Variants in GALNTL6 observed in about 807,000 individuals in gnomAD.
GALNTL6 encodes the protein polypeptide N-acetylgalactosaminyltransferase like 6, also known as polypeptide N-acetylgalactosaminyltransferase-like 6.
Under a neutral mutation model 73.7 loss-of-function variants are expected in GALNTL6, and 46 were observed. The observed-to-expected ratio is 0.62, with a 90% confidence interval of 0.49 to 0.80. GALNTL6 has a LOEUF of 0.80. Ranked by LOEUF, GALNTL6 falls within the 30% of genes least tolerant of loss-of-function variation. The pLI is 0.00. For missense variants in GALNTL6, 604 were observed against 755.0 expected (o/e 0.80, Z 2.34); for synonymous variants, 259 against 263.7 (o/e 0.98, Z 0.17).
At chr4:172,430,820 A>C (rs549399390) in intron 5 of GALNTL6, among the ~76,000 whole-genome samples, 7 of 152,156 alleles carry the variant, frequency 4.6e-5, no homozygotes, top group South Asian at 4.2e-4. Context: ...CCACCACCAC[A>C]ACAACAGTAG....
intron 3 of GALNTL6, among the ~76,000 whole-genome samples, chr4:172,244,830 A>G (rs566369959): frequency 5.3e-5 from 8 of 152,308 alleles, no homozygotes; most frequent in African/African-American, 1.9e-4. Context: ...CAAGAGAAAC[A>G]TTTTGGGAGC....
At chr4:172,949,842 G>T (rs1411093795) in intron 9 of GALNTL6, among the ~76,000 whole-genome samples, 1 of 151,268 alleles carries the variant, frequency 6.6e-6, no homozygotes, top group African/African-American at 2.4e-5. Context: ...CTGGGAGGCA[G>T]AGGTTGCAGT....
chr4:171,856,137 C>G (rs561074355), intron 2 of GALNTL6, among the ~76,000 whole-genome samples: 3 of 152,182 alleles, frequency 2.0e-5, no homozygotes, highest in African/African-American at 7.2e-5. Flanking sequence ...GAGTCTTGCT[C>G]TATCACCCAG....
intron 3 of GALNTL6, among the ~76,000 whole-genome samples, chr4:172,279,308 A>G (rs888189608): frequency 1.3e-5 from 2 of 152,178 alleles, no homozygotes; most frequent in Non-Finnish European, 2.9e-5. Flanking sequence ...ATATTTCTCA[A>G]TCAAATATCT....
intron 7 of GALNTL6, among the ~76,000 whole-genome samples, chr4:172,829,061 C>G (rs1742471406): frequency 6.6e-6 from 1 of 152,218 alleles, no homozygotes; most frequent in East Asian, 1.9e-4. Flanking sequence ...GGAAGCATCG[C>G]TCTGGTGTAC....
chr4:172,104,915 A>G (rs1163616926), intron 2 of GALNTL6, among the ~76,000 whole-genome samples: 2 of 152,176 alleles, frequency 1.3e-5, no homozygotes, highest in African/African-American at 4.8e-5. Context: ...ATACCTCCAC[A>G]ACTGATGAAT....
intron 7 of GALNTL6, among the ~76,000 whole-genome samples, chr4:172,865,817 C>G (rs1744633984): frequency 6.6e-6 from 1 of 152,076 alleles, no homozygotes; most frequent in Non-Finnish European, 1.5e-5. Flanking sequence ...CATGTTTATC[C>G]TGGGTCTTTT....
chr4:172,818,307 G>T (rs775021428), intron 7 of GALNTL6, among the ~76,000 whole-genome samples: 1 of 152,116 alleles, frequency 6.6e-6, no homozygotes, highest in Non-Finnish European at 1.5e-5. Flanking sequence ...AGAAATAATC[G>T]ATTCAGCAGT....
chr4:172,418,943 G>A (rs926382525), intron 5 of GALNTL6, among the ~76,000 whole-genome samples: 3 of 50,288 alleles, frequency 6.0e-5, no homozygotes, highest in Admixed American at 2.2e-4. Flanking sequence ...AGTTTTCTAC[G>A]AGATTTATCA....
At chr4:172,475,322 A>C (rs1733191736) in intron 5 of GALNTL6, among the ~76,000 whole-genome samples, 1 of 152,142 alleles carries the variant, frequency 6.6e-6, no homozygotes, top group South Asian at 2.1e-4. Flanking sequence ...ATTCATGGTA[A>C]ATTATTTATG....
At chr4:172,880,884 C>T (rs1745418641) in intron 7 of GALNTL6, among the ~76,000 whole-genome samples, 1 of 151,994 alleles carries the variant, frequency 6.6e-6, no homozygotes, top group Non-Finnish European at 1.5e-5. Flanking sequence ...TGTATAAACT[C>T]GTTAAGAAAA....
At chr4:172,550,531 G>A (rs1173637006) in intron 5 of GALNTL6, among the ~76,000 whole-genome samples, 1 of 152,122 alleles carries the variant, frequency 6.6e-6, no homozygotes, top group Non-Finnish European at 1.5e-5. Context: ...TGATGTGAAG[G>A]ATCACTTTGC....
At chr4:172,938,662 G>GATAACC (rs1276947381) in intron 9 of GALNTL6, among the ~76,000 whole-genome samples, 1 of 152,116 alleles carries the variant, frequency 6.6e-6, no homozygotes, top group Non-Finnish European at 1.5e-5. Context: ...CTTGTGGCAC[G>GATAACC]ATAACCTTGG....
rs539001015 is a variant in GALNTL6, at chr4:172,370,386, G to A, written c.553+21697G>A. ...AGAAGCCATGTTGCCCAACTCCAGA[G>A]GTTGGTATAAGAGTTTGAAAGGAGG... is the stretch of plus-strand genomic sequence containing the variant. On this transcript the variant is annotated intron_variant, in intron 5 of 12. Transcript: ENST00000506823. Among the ~76,000 whole-genome samples the A allele has an allele frequency of 2.6e-5, 4 of 152,168 alleles. No homozygotes were observed. The South Asian group carries it at 8.3e-4, about 32-fold the overall frequency.
chr4:172,970,099 C>A (rs1277373396), intron 10 of GALNTL6, among the ~76,000 whole-genome samples: 3 of 152,206 alleles, frequency 2.0e-5, no homozygotes, highest in Admixed American at 6.5e-5. Flanking sequence ...ACAAAGATCA[C>A]ATGCTTCAAA....
chr4:172,910,740 C>A (rs1190624478), intron 8 of GALNTL6, among the ~76,000 whole-genome samples: 1 of 152,200 alleles, frequency 6.6e-6, no homozygotes, highest in African/African-American at 2.4e-5. Flanking sequence ...AATCCCTGAG[C>A]AAAGAGAATG....
chr4:172,126,598 G>T (rs1236400438), intron 2 of GALNTL6, among the ~76,000 whole-genome samples: 3 of 152,138 alleles, frequency 2.0e-5, no homozygotes, highest in African/African-American at 7.2e-5. Context: ...GACCCCAGTG[G>T]TTCACATTCC....
intron 7 of GALNTL6, among the ~76,000 whole-genome samples, chr4:172,841,372 A>G (rs1056400370): frequency 2.0e-5 from 3 of 152,144 alleles, no homozygotes; most frequent in Non-Finnish European, 4.4e-5. Flanking sequence ...ATCCCTTTCA[A>G]CTGGTAAGTA....
chr4:171,882,055 C>A (rs961316868), intron 2 of GALNTL6, among the ~76,000 whole-genome samples: 1 of 152,320 alleles, frequency 6.6e-6, no homozygotes, highest in African/African-American at 2.4e-5. Context: ...CTCTAGTTCT[C>A]TTGATACCAT....
Sources: gnomAD v4.1 joint callset for allele counts (sites outside exome capture counted in the v4.1 genomes callset) on GRCh38, gnomAD v4.1.1 for gene constraint, MANE v1.5 for transcripts, NCBI Gene and HGNC (gene_info 2026-07-23, HGNC 2026-07-21) for gene names.